The following KCNQ1OT1 variants were observed in gnomAD, a reference collection of about 807,000 sequenced individuals.
The protein encoded by KCNQ1OT1 is KCNQ1 opposite strand/antisense transcript 1.
At position 2,695,207 on chromosome 11, in the gene KCNQ1OT1, G is replaced by A. The variant is rs1191286267; in HGVS notation, n.4788C>T. 2.5e-6 allele frequency: 1 copy of A among 398,522 alleles called. No individual in the cohort carries two copies. Among genetic ancestry groups the A allele is most frequent in the Non-Finnish European group, 4.4e-6 (1 of 226,112 alleles). The allele number at this position is 398,522 out of a possible 1,614,324, so 24.7% of individuals were successfully genotyped here. A position where few individuals can be genotyped will look rare whatever the true frequency, so the allele number is the denominator to read the frequency against. ...TCAGCCTATGAAACACTGTCACCCT[G>A]TAAGGGTCTGCATAAAGTCACCGCT... On this transcript the variant is annotated non_coding_transcript_exon_variant, in exon 1 of 1. Transcript: ENST00000597346. The surrounding 1 kb of genome is among the most constrained non-coding windows in gnomAD (Gnocchi z 5.2).
At chr11:2,688,914 C>T (rs959601281) in exon 1 of KCNQ1OT1, 1 of 398,898 alleles carries the variant, frequency 2.5e-6, no homozygotes, top group Non-Finnish European at 4.4e-6. Context: ...AGGGCCACCC[C>T]ACACAGGCCT....
chr11:2,635,243 T>G (rs1849442990), exon 1 of KCNQ1OT1: 1 of 152,232 alleles, frequency 6.6e-6, no homozygotes. Context: ...GTTTTAGACA[T>G]GAAGTCCTTG....
At chr11:2,686,038 G>C (rs146566065) in exon 1 of KCNQ1OT1, 1 of 399,362 alleles carries the variant, frequency 2.5e-6, no homozygotes, top group Non-Finnish European at 4.4e-6. Flanking sequence ...CCGCCAGCTC[G>C]CACCATCTGA....
Position 2,695,663 on chromosome 11 carries a change from G to C in KCNQ1OT1, n.4332C>G, listed in dbSNP as rs1850662905. ...GCCACAGGTATAAAATATTTTATTT[G>C]AGGAAGAAGTGTTGGCCAGCTCTTC... On this transcript the variant is annotated non_coding_transcript_exon_variant, in exon 1 of 1. Coordinates refer to ENST00000597346, the Ensembl canonical transcript of KCNQ1OT1. The surrounding 1 kb of genome is among the most constrained non-coding windows in gnomAD (Gnocchi z 5.2). 1 of 398,598 alleles carries C rather than the reference G, an allele frequency of 2.5e-6. No individual in the cohort carries two copies. The highest frequency in any genetic ancestry group is 4.4e-6 in the Non-Finnish European group (1 of 226,072). 24.7% of individuals were successfully genotyped at this position (398,598 alleles called of 1,614,324 possible). A position where few individuals can be genotyped will look rare whatever the true frequency, so the allele number is the denominator to read the frequency against.
In KCNQ1OT1 at chr11:2,657,995, T is replaced by G. The variant is rs1325462871; in HGVS notation, n.42000A>C. The G allele has an allele frequency of 2.5e-6, 1 of 398,470 alleles. No homozygotes were observed. The highest frequency in any genetic ancestry group is 4.4e-6 in the Non-Finnish European group (1 of 226,062). The allele number at this position is 398,470 out of a possible 1,614,324, so 24.7% of individuals were successfully genotyped here. On this transcript the variant is annotated non_coding_transcript_exon_variant, in exon 1 of 1. Coordinates refer to ENST00000597346, the Ensembl canonical transcript of KCNQ1OT1. This position sits in a 1 kb window ranked among gnomAD's most constrained non-coding sequence, Gnocchi z 4.8. The stretch of plus-strand genomic sequence containing the variant: ...GTCGGCCAGGCTCCTCCACTGTAAG[T>G]GAATAGCTGTTTTTCCCTTTCCATA...
rs892635394 is a variant in KCNQ1OT1, at chr11:2,628,078, C to T, written n.71917G>A. On this transcript the variant is annotated non_coding_transcript_exon_variant, in exon 1 of 1. Coordinates refer to ENST00000597346, the Ensembl canonical transcript of KCNQ1OT1. The stretch of plus-strand genomic sequence containing the variant: ...TACTATGTTGCTCATTTCTTGACTA[C>T]TGTAACACTACAATGAACATGGGAG... 14 of 398,454 alleles carry T rather than the reference C, an allele frequency of 3.5e-5. No individual in the cohort carries two copies. In the Admixed American group the frequency reaches 4.0e-4, roughly 11 times the overall value. 24.7% of individuals were successfully genotyped at this position (398,454 alleles called of 1,614,324 possible). A position where few individuals can be genotyped will look rare whatever the true frequency, so the allele number is the denominator to read the frequency against.
rs1025234149 is a variant in KCNQ1OT1 at position 2,695,371 on chromosome 11, G to A, written n.4624C>T. 2.5e-5 allele frequency: 10 copies of A among 398,402 alleles called. No homozygotes were observed. The highest frequency in any genetic ancestry group is 1.3e-4 in the Admixed American group (3 of 22,704). 24.7% of individuals were successfully genotyped at this position (398,402 alleles called of 1,614,324 possible). A position where few individuals can be genotyped will look rare whatever the true frequency, so the allele number is the denominator to read the frequency against. On this transcript the variant is annotated non_coding_transcript_exon_variant, in exon 1 of 1. Coordinates refer to ENST00000597346, the Ensembl canonical transcript of KCNQ1OT1. The surrounding 1 kb of genome is among the most constrained non-coding windows in gnomAD (Gnocchi z 5.2). The stretch of plus-strand genomic sequence containing the variant: ...ACTCACGAGCACTCCCTAGTACTGC[G>A]TGTCTGGGTGGTGTGTAATTTTAAT...
rs1848918559 is a variant in KCNQ1OT1 at position 2,608,498 on chromosome 11, CAG to C, written n.91495_91496del. The stretch of plus-strand genomic sequence containing the variant: ...CCTTTTTCCTTTTCTTTTTGAGAAA[CAG>C]AGTCTCTCTCTGTTGCCCAGGCTGG... On this transcript the variant is annotated non_coding_transcript_exon_variant, in exon 1 of 1. Transcript: ENST00000597346. The surrounding 1 kb of genome is among the most constrained non-coding windows in gnomAD (Gnocchi z 4.6). 2 of 398,362 alleles carry C rather than the reference CAG, an allele frequency of 5.0e-6. No individual in the cohort carries two copies. Among genetic ancestry groups the C allele is most frequent in the South Asian group, 1.3e-4 (1 of 7,860 alleles). 24.7% of individuals were successfully genotyped at this position (398,362 alleles called of 1,614,324 possible).
chr11:2,679,818 A>G lies in KCNQ1OT1; in HGVS notation n.20177T>C, dbSNP rs1850358399. The G allele has an allele frequency of 2.5e-6, 1 of 398,498 alleles. No homozygotes were observed. The highest frequency in any genetic ancestry group is 2.1e-5 in the African/African-American group (1 of 48,622). 24.7% of individuals were successfully genotyped at this position (398,498 alleles called of 1,614,324 possible). On this transcript the variant is annotated non_coding_transcript_exon_variant, in exon 1 of 1. Coordinates refer to ENST00000597346, the Ensembl canonical transcript of KCNQ1OT1. The surrounding 1 kb of genome is among the most constrained non-coding windows in gnomAD (Gnocchi z 4.8). ...GGGCTAGAGGAGCACAAGGGGCCAG[A>G]CTGCTGCTACTTCTGAATTTTATAG...
Position 2,654,905 on chromosome 11 carries a change from C to A in KCNQ1OT1, n.45090G>T. On this transcript the variant is annotated non_coding_transcript_exon_variant, in exon 1 of 1. Coordinates refer to ENST00000597346, the Ensembl canonical transcript of KCNQ1OT1. The surrounding 1 kb of genome is among the most constrained non-coding windows in gnomAD (Gnocchi z 6.4). ...AACTCTAGGATAAGATGTGCAAGGT[C>A]GTGGGCCAGAGAGCAAGGCACAGAT... 1 of 398,466 alleles carries A rather than the reference C, an allele frequency of 2.5e-6. No homozygotes were observed. The highest frequency in any genetic ancestry group is 1.3e-4 in the South Asian group (1 of 7,816). 24.7% of individuals were successfully genotyped at this position (398,466 alleles called of 1,614,324 possible).
At chr11:2,660,308 A>G (rs1849928838) in exon 1 of KCNQ1OT1, 1 of 398,452 alleles carries the variant, frequency 2.5e-6, no homozygotes, top group Non-Finnish European at 4.4e-6. Context: ...ATACATATGT[A>G]TACATACAAC....
At chr11:2,675,161 C>T (rs1850270122) in exon 1 of KCNQ1OT1, 1 of 398,606 alleles carries the variant, frequency 2.5e-6, no homozygotes, top group Non-Finnish European at 4.4e-6. Flanking sequence ...AGAGGTAGTG[C>T]TCTAGCGGGG....
Position 2,652,540 on chromosome 11 carries a change from G to A in KCNQ1OT1, n.47455C>T. On this transcript the variant is annotated non_coding_transcript_exon_variant, in exon 1 of 1. Transcript: ENST00000597346. The surrounding 1 kb of genome is among the most constrained non-coding windows in gnomAD (Gnocchi z 5.9). ...GAGCTCAACTCTTGGAGAAGATAGT[G>A]CTTAACCCAGATTCCATTGTATATT... 1 of 398,590 alleles carries A rather than the reference G, an allele frequency of 2.5e-6. No homozygotes were observed. Among genetic ancestry groups the A allele is most frequent in the Non-Finnish European group, 4.4e-6 (1 of 226,066 alleles). The allele number at this position is 398,590 out of a possible 1,614,324, so 24.7% of individuals were successfully genotyped here.
rs1849158719 is a variant in KCNQ1OT1, at chr11:2,620,912, T to A, written n.79083A>T. The A allele has an allele frequency of 2.5e-6, 1 of 397,320 alleles. No individual in the cohort carries two copies. The highest frequency in any genetic ancestry group is 4.5e-5 in the Admixed American group (1 of 22,430). The allele number at this position is 397,320 out of a possible 1,614,324, so 24.6% of individuals were successfully genotyped here. ...ACTGGTGTGAGATGGCATCCCATTA[T>A]GGTTTGGTGTTTTTTTGTTGTTGTT... On this transcript the variant is annotated non_coding_transcript_exon_variant, in exon 1 of 1. Transcript: ENST00000597346. This position sits in a 1 kb window ranked among gnomAD's most constrained non-coding sequence, Gnocchi z 4.5.
Position 2,653,111 on chromosome 11 carries a change from T to C in KCNQ1OT1, n.46884A>G. The C allele has an allele frequency of 2.5e-6, 1 of 398,688 alleles. No individual in the cohort carries two copies. The highest frequency in any genetic ancestry group is 4.4e-6 in the Non-Finnish European group (1 of 226,098). 24.7% of individuals were successfully genotyped at this position (398,688 alleles called of 1,614,324 possible). A position where few individuals can be genotyped will look rare whatever the true frequency, so the allele number is the denominator to read the frequency against. On this transcript the variant is annotated non_coding_transcript_exon_variant, in exon 1 of 1. Coordinates refer to ENST00000597346, the Ensembl canonical transcript of KCNQ1OT1. This position sits in a 1 kb window ranked among gnomAD's most constrained non-coding sequence, Gnocchi z 5.3. ...GTGTGGAGAGAGGCTCACTGAAGGT[T>C]TGGGGAGATGAGGACTTGCATCACA...
exon 1 of KCNQ1OT1, chr11:2,693,075 G>A (rs1850615048): frequency 2.5e-6 from 1 of 398,666 alleles, no homozygotes; most frequent in Non-Finnish European, 4.4e-6. Context: ...TAGCCATAGA[G>A]GGGAATGGCT....
exon 1 of KCNQ1OT1, chr11:2,662,323 C>A: frequency 1.7e-6 from 1 of 580,354 alleles, no homozygotes; most frequent in South Asian, 2.2e-5. Context: ...CCAGACTGAT[C>A]ATTTTCCACT....
rs1462768914 is a variant in KCNQ1OT1, at chr11:2,679,523, T to C, written n.20472A>G. The C allele has an allele frequency of 2.5e-6, 1 of 398,510 alleles. No homozygotes were observed. Among genetic ancestry groups the C allele is most frequent in the East Asian group, 3.6e-5 (1 of 28,090 alleles). The allele number at this position is 398,510 out of a possible 1,614,324, so 24.7% of individuals were successfully genotyped here. A position where few individuals can be genotyped will look rare whatever the true frequency, so the allele number is the denominator to read the frequency against. ...ACAGTGTTACTTAAATGTATTGCTA[T>C]ACCTCATGATGGCCATTCCATCCAT... On this transcript the variant is annotated non_coding_transcript_exon_variant, in exon 1 of 1. Transcript: ENST00000597346. The surrounding 1 kb of genome is among the most constrained non-coding windows in gnomAD (Gnocchi z 4.8).
Position 2,668,723 on chromosome 11 carries a change from G to C in KCNQ1OT1, n.31272C>G, listed in dbSNP as rs1850128346. On this transcript the variant is annotated non_coding_transcript_exon_variant, in exon 1 of 1. Transcript: ENST00000597346. The surrounding 1 kb of genome is among the most constrained non-coding windows in gnomAD (Gnocchi z 4.3). ...ACACTCTCTCACAGACACACACATTGCAAATATCGCCTCCCCCTCTGCAGG... is the reference window on the plus strand; with the variant it reads ...ACACTCTCTCACAGACACACACATTCCAAATATCGCCTCCCCCTCTGCAGG... 1 of 398,436 alleles carries C rather than the reference G, an allele frequency of 2.5e-6. No individual in the cohort carries two copies. Among genetic ancestry groups the C allele is most frequent in the Non-Finnish European group, 4.4e-6 (1 of 226,078 alleles). 24.7% of individuals were successfully genotyped at this position (398,436 alleles called of 1,614,324 possible). A position where few individuals can be genotyped will look rare whatever the true frequency, so the allele number is the denominator to read the frequency against.
Sources: allele counts gnomAD v4.1 joint callset, GRCh38; gene constraint gnomAD v4.1.1; non-coding constraint Gnocchi (gnomAD v3.1); transcripts MANE v1.5; gene names NCBI Gene and HGNC (gene_info 2026-07-23, HGNC 2026-07-21).